Variants in SUSD4 observed in about 807,000 individuals in gnomAD.
SUSD4 encodes sushi domain-containing protein 4.
SUSD4 carries 41 observed loss-of-function variants against 50.5 expected under a neutral mutation model. That is an observed-to-expected ratio of 0.81 (90% CI 0.63 to 1.05). The LOEUF (loss-of-function observed/expected upper bound fraction) is 1.05. Ranked by LOEUF, SUSD4 falls within the 50% of genes least tolerant of loss-of-function variation. SUSD4 has a pLI of 0.00. For missense variants in SUSD4, 580 were observed against 634.7 expected, an observed-to-expected ratio of 0.91 and a Z score of 0.93; for synonymous variants, 257 against 257.3, an observed-to-expected ratio of 1.00 and a Z score of 0.01.
chr1:223,359,663 G>C (rs1182041096), intron 2 of SUSD4, among the ~76,000 whole-genome samples: 3 of 152,214 alleles, frequency 2.0e-5, no homozygotes, highest in Admixed American at 2.0e-4. Context: ...CTGGGTGCCT[G>C]AGACACAAAC....
At chr1:223,237,330 T>A (rs1660287032) in intron 5 of SUSD4, among the ~76,000 whole-genome samples, 1 of 152,088 alleles carries the variant, frequency 6.6e-6, no homozygotes, top group Admixed American at 6.5e-5. Flanking sequence ...CCAATCTATA[T>A]ATCTTTTATT....
At chr1:223,292,320 G>A in intron 3 of SUSD4, 119 bp downstream of exon 3, 1 of 1,085,576 alleles carries the variant, frequency 9.2e-7, no homozygotes. Flanking sequence ...CAGCATGCAG[G>A]TGCAGCCCTG....
chr1:223,252,236 A>AAATATATATAT (rs1343732568), intron 5 of SUSD4, among the ~76,000 whole-genome samples: 2 of 89,728 alleles, frequency 2.2e-5, no homozygotes, highest in Admixed American at 1.1e-4. Context: ...AAAAAAAAAA[A>AAATATATATAT]ATATATATAT....
At chr1:223,224,135 G>A (rs1288328150) in intron 7 of SUSD4, among the ~76,000 whole-genome samples, 1 of 152,164 alleles carries the variant, frequency 6.6e-6, no homozygotes, top group Non-Finnish European at 1.5e-5. Context: ...CCAGGAGTTT[G>A]AGACCAGCCT....
intron 2 of SUSD4, among the ~76,000 whole-genome samples, chr1:223,346,152 C>G (rs1039450710): frequency 6.6e-6 from 1 of 152,124 alleles, no homozygotes; most frequent in African/African-American, 2.4e-5. Context: ...CACACACCCT[C>G]TATTCCATCC....
At chr1:223,323,165 T>G (rs1572060373) in intron 2 of SUSD4, among the ~76,000 whole-genome samples, 3 of 133,390 alleles carry the variant, frequency 2.2e-5, no homozygotes, top group African/African-American at 2.9e-5. Flanking sequence ...GTGAAGGGAG[T>G]GAGGGAGAGT....
chr1:223,281,581 T>C (rs1454683102), intron 3 of SUSD4, among the ~76,000 whole-genome samples: 1 of 152,198 alleles, frequency 6.6e-6, no homozygotes, highest in Non-Finnish European at 1.5e-5. Flanking sequence ...GGCTCTGAAA[T>C]TGAGGCAATA....
At chr1:223,350,951 G>A (rs17163827) in intron 2 of SUSD4, among the ~76,000 whole-genome samples, 30,823 of 152,206 alleles carry the variant, frequency 0.2, 3,744 homozygotes, top group Non-Finnish European at 0.28. Flanking sequence ...TAGCTTTAAG[G>A]AGCTTTTATA....
At chr1:223,244,727 G>A (rs550267304) in intron 5 of SUSD4, among the ~76,000 whole-genome samples, 34 of 152,112 alleles carry the variant, frequency 2.2e-4, no homozygotes, top group Non-Finnish European at 3.5e-4. Flanking sequence ...CTCTGTCCCC[G>A]CAATCATAGG....
chr1:223,280,627 C>G (rs1466206925), intron 3 of SUSD4, among the ~76,000 whole-genome samples: 1 of 152,114 alleles, frequency 6.6e-6, no homozygotes, highest in East Asian at 1.9e-4. Flanking sequence ...GACTCCCACA[C>G]AATAATAATG....
At position 223,292,490 on chromosome 1, in the gene SUSD4, T is replaced by A. The variant is rs562211072; in HGVS notation, c.310A>T (p.Asn104Tyr). 3 of 1,614,156 alleles carry A rather than the reference T, an allele frequency of 1.9e-6. No homozygotes were observed. The South Asian group carries it at 3.3e-5, about 18-fold the overall frequency. ...CTTGGGATCCAGCCTAGGGTTCCAT[T>A]AAAATGCTTCAAACACAGTCTCTTT... The part of the protein sequence containing the change: ...ATKRLCLKHF[N>Y]GTLGWIPSDN... Residue 104 changes from asparagine to tyrosine, a missense_variant, in exon 3 of 9, where the codon AAT becomes TAT. Asn to Tyr is a moderately radical substitution (Grantham distance 143). Transcript: ENST00000366878.
At chr1:223,278,232 C>T (rs1299326581) in intron 3 of SUSD4, among the ~76,000 whole-genome samples, 2 of 152,102 alleles carry the variant, frequency 1.3e-5, no homozygotes, top group African/African-American at 2.4e-5. Context: ...ACAGTGGGTG[C>T]AGCCCACCGA....
At chr1:223,224,808 C>A (rs948816879) in intron 7 of SUSD4, among the ~76,000 whole-genome samples, 2 of 151,432 alleles carry the variant, frequency 1.3e-5, no homozygotes, top group Admixed American at 6.6e-5. Flanking sequence ...CTGCTCCTGG[C>A]CTCAAGAGGA....
intron 5 of SUSD4, among the ~76,000 whole-genome samples, chr1:223,250,840 C>T (rs984931338): frequency 6.6e-6 from 1 of 152,124 alleles, no homozygotes; most frequent in African/African-American, 2.4e-5. Flanking sequence ...CAGGAAGGGG[C>T]TGTGGGCAGG....
chr1:223,227,293 C>A lies in SUSD4; in HGVS notation c.1061+301G>T, dbSNP rs1160950698. ...CAGGGGGACCACAGTGGGAATGGTG[C>A]CTCTGGGTGGAGCAGTCCACAGCCT... On this transcript the variant is annotated intron_variant, in intron 7 of 8. Coordinates refer to ENST00000366878, the MANE Select transcript of SUSD4 (RefSeq NM_017982.4). The surrounding 1 kb of genome is among the most constrained non-coding windows in gnomAD (Gnocchi z 4.5). Among the ~76,000 whole-genome samples the A allele has an allele frequency of 6.6e-6, 1 of 152,140 alleles. No homozygotes were observed. Among genetic ancestry groups the A allele is most frequent in the Non-Finnish European group, 1.5e-5 (1 of 68,028 alleles).
At chr1:223,264,568 C>T (rs1314539112) in intron 5 of SUSD4, 62 bp downstream of exon 5, 5 of 1,592,262 alleles carry the variant, frequency 3.1e-6, no homozygotes, top group Admixed American at 1.7e-5. Flanking sequence ...CTTCCTCCTA[C>T]TGATCTTCTT....
chr1:223,326,724 T>C (rs545313945), intron 2 of SUSD4, among the ~76,000 whole-genome samples: 9 of 152,120 alleles, frequency 5.9e-5, no homozygotes, highest in African/African-American at 2.2e-4. Context: ...GATATACAAA[T>C]GGCCAACAAA....
At position 223,227,646 on chromosome 1, in the gene SUSD4, C is replaced by T. The variant is rs376017660; in HGVS notation, c.1009G>A (p.Val337Ile). The change falls in exon 7 of 9, where the codon GTC becomes ATC. Residue 337 changes from valine (V) to isoleucine (I), a missense_variant. By Grantham distance (29) the Val-to-Ile change is conservative (BLOSUM62 3). Transcript: ENST00000366878. The surrounding 1 kb of genome is among the most constrained non-coding windows in gnomAD (Gnocchi z 4.5). Reference sequence around the variant, plus strand: ...GTCTGGAACATCCTGGCCAGGATGACGAGCAGCAGCACCAGCAGCACACTG... The same window carrying T: ...GTCTGGAACATCCTGGCCAGGATGATGAGCAGCAGCACCAGCAGCACACTG... ...ATSVLLVLLLVILARMFQTKF... is the reference protein window; with the variant it reads ...ATSVLLVLLLIILARMFQTKF... 4.1e-5 allele frequency: 66 copies of T among 1,613,704 alleles called. No individual in the cohort carries two copies. Among genetic ancestry groups the T allele is most frequent in the Non-Finnish European group, 5.1e-5 (60 of 1,179,942 alleles).
chr1:223,300,868 G>A (rs1665147876), intron 2 of SUSD4, among the ~76,000 whole-genome samples: 1 of 152,140 alleles, frequency 6.6e-6, no homozygotes, highest in African/African-American at 2.4e-5. Context: ...AGGTCATCTA[G>A]TTTGACCCCT....
Sources: gnomAD v4.1 joint callset for allele counts (sites outside exome capture counted in the v4.1 genomes callset) on GRCh38, gnomAD v4.1.1 for gene constraint, Gnocchi (gnomAD v3.1) non-coding constraint, MANE v1.5 for transcripts, NCBI Gene and HGNC (gene_info 2026-07-23, HGNC 2026-07-21) for gene names.